Variants in SINHCAF observed in about 807,000 individuals in gnomAD.
The protein encoded by SINHCAF is SIN3-HDAC complex-associated factor.
Under a neutral mutation model 25.8 loss-of-function variants are expected in SINHCAF, and 3 were observed. That is an observed-to-expected ratio of 0.12 (90% CI 0.05 to 0.30). The LOEUF is 0.30. Among genes scored for constraint, SINHCAF ranks in the 10% least tolerant of loss-of-function variants. SINHCAF has a pLI of 1.00. For missense variants in SINHCAF, 121 were observed against 262.3 expected (o/e 0.46, Z 3.72); for synonymous variants, 70 against 85.5 (o/e 0.82, Z 1.00).
At chr12:31,284,042 C>G (rs571403720) in intron 5 of SINHCAF, among the ~76,000 whole-genome samples, 1 of 152,096 alleles carries the variant, frequency 6.6e-6, no homozygotes, top group Admixed American at 6.5e-5. Flanking sequence ...ATGTATAAAT[C>G]AGTGGACACA....
chr12:31,320,364 A>G (rs1456526770), intron 1 of SINHCAF, among the ~76,000 whole-genome samples: 1 of 152,224 alleles, frequency 6.6e-6, no homozygotes, highest in African/African-American at 2.4e-5. Context: ...GACCTGGGAA[A>G]TTCTCTTAAG....
intron 1 of SINHCAF, among the ~76,000 whole-genome samples, chr12:31,309,291 C>A (rs2137116997): frequency 6.6e-6 from 1 of 152,226 alleles, no homozygotes; most frequent in Admixed American, 6.5e-5. Flanking sequence ...GGTTCCTTGA[C>A]AAGGAAAATG....
intron 2 of SINHCAF, among the ~76,000 whole-genome samples, chr12:31,296,109 GTTTTAAACA>G (rs1219534481): frequency 2.0e-5 from 3 of 151,990 alleles, no homozygotes; most frequent in African/African-American, 7.3e-5. Flanking sequence ...GATTATCACG[GTTTTAAACA>G]TTGCTGTTTA....
rs1379961792 is a variant in SINHCAF at position 31,298,031 on chromosome 12, G to A, written c.128+46C>T. On this transcript the variant is annotated intron_variant, in intron 2 of 5. Transcript: ENST00000337682. ...GCTTACAAATATTTCTGTATGCTGT[G>A]GTATTTTTTCACTCTAAGAATAGTA... 3 of 1,559,426 alleles carry A rather than the reference G, an allele frequency of 1.9e-6. No individual in the cohort carries two copies. The South Asian group carries it at 3.4e-5, about 18-fold the overall frequency.
chr12:31,298,615 A>G (rs1418400875), intron 1 of SINHCAF: 1 of 244,338 alleles, frequency 4.1e-6, no homozygotes, highest in Non-Finnish European at 8.1e-6. Flanking sequence ...TTTATTTTGC[A>G]CATTTGCATT....
intron 4 of SINHCAF, among the ~76,000 whole-genome samples, 164 bp downstream of exon 4, chr12:31,293,641 C>G (rs74320879): frequency 0.02 from 3,075 of 152,234 alleles, 67 homozygotes; most frequent in African/African-American, 0.053. Flanking sequence ...AAAGTGCCAA[C>G]ATTTCACAGA....
Position 31,293,786 on chromosome 12 carries a change from G to A in SINHCAF, c.355+19C>T. 1 of 1,592,712 alleles carries A rather than the reference G, an allele frequency of 6.3e-7. No individual in the cohort carries two copies. The highest frequency in any genetic ancestry group is 8.5e-7 in the Non-Finnish European group (1 of 1,172,696). On this transcript the variant is annotated intron_variant, in intron 4 of 5. Transcript: ENST00000337682. ...AACAAAACAATTATTAAGTACTAATGTTGTAATATCAAACTTACTATGACG... is the reference window on the plus strand; with the variant it reads ...AACAAAACAATTATTAAGTACTAATATTGTAATATCAAACTTACTATGACG...
intron 5 of SINHCAF, among the ~76,000 whole-genome samples, chr12:31,286,662 CAAAAAA>C (rs999169211): frequency 5.4e-5 from 3 of 55,218 alleles, no homozygotes; most frequent in African/African-American, 1.8e-4. Flanking sequence ...AACTCCGTCT[CAAAAAA>C]AAAAAAAAAA....
At chr12:31,318,265 A>C (rs918455947) in intron 1 of SINHCAF, among the ~76,000 whole-genome samples, 1 of 152,228 alleles carries the variant, frequency 6.6e-6, no homozygotes, top group Non-Finnish European at 1.5e-5. Context: ...TGGAGCAGTA[A>C]GACATTATTT....
chr12:31,301,588 C>A (rs185630875), intron 1 of SINHCAF, among the ~76,000 whole-genome samples: 3 of 152,242 alleles, frequency 2.0e-5, no homozygotes, highest in Admixed American at 1.3e-4. Flanking sequence ...ACTTAAGAGG[C>A]ACCTGGGAAT....
chr12:31,302,091 T>C (rs1449786087), intron 1 of SINHCAF, among the ~76,000 whole-genome samples: 7 of 152,214 alleles, frequency 4.6e-5, no homozygotes, highest in Non-Finnish European at 7.3e-5. Context: ...GGTAATACTA[T>C]CTGCTTTCTA....
At chr12:31,303,068 T>A (rs1298538907) in intron 1 of SINHCAF, 1 of 985,274 alleles carries the variant, frequency 1.0e-6, no homozygotes, top group African/African-American at 1.7e-5. Context: ...AAAAATCATT[T>A]CAAGATGTTT....
chr12:31,318,695 AT>A, intron 1 of SINHCAF, among the ~76,000 whole-genome samples: 2 of 152,006 alleles, frequency 1.3e-5, no homozygotes, highest in South Asian at 4.2e-4. Context: ...CCAATTCTAG[AT>A]TAAGAGGAAT....
intron 1 of SINHCAF, among the ~76,000 whole-genome samples, chr12:31,321,251 T>C (rs1399821280): frequency 1.3e-5 from 2 of 152,154 alleles, no homozygotes; most frequent in Admixed American, 6.5e-5. Context: ...GACAATCTTG[T>C]GGACAAGAGA....
At chr12:31,292,083 G>A (rs1419815786) in intron 4 of SINHCAF, among the ~76,000 whole-genome samples, 1 of 152,206 alleles carries the variant, frequency 6.6e-6, no homozygotes, top group Non-Finnish European at 1.5e-5. Context: ...CCTTAAGTAA[G>A]ACAAAAGTGA....
intron 4 of SINHCAF, among the ~76,000 whole-genome samples, chr12:31,291,486 G>A (rs538487554): frequency 3.0e-4 from 46 of 152,302 alleles, no homozygotes; most frequent in Middle Eastern, 3.4e-3. Context: ...ATACAGGGCT[G>A]GGCACGGTGG....
At chr12:31,296,706 T>C (rs567866645) in intron 2 of SINHCAF, among the ~76,000 whole-genome samples, 1 of 151,690 alleles carries the variant, frequency 6.6e-6, no homozygotes, top group Admixed American at 6.6e-5. Flanking sequence ...AATAGAAAAA[T>C]TAGCAGGGCA....
intron 1 of SINHCAF, among the ~76,000 whole-genome samples, chr12:31,302,297 G>A (rs1461325466): frequency 6.6e-6 from 1 of 151,960 alleles, no homozygotes; most frequent in Non-Finnish European, 1.5e-5. Flanking sequence ...TATACTAAAA[G>A]CCACTGAATT....
At chr12:31,291,365 G>C (rs1189778296) in intron 4 of SINHCAF, among the ~76,000 whole-genome samples, 1 of 152,180 alleles carries the variant, frequency 6.6e-6, no homozygotes, top group East Asian at 1.9e-4. Context: ...TAAACGTCAA[G>C]TGACTCCAGA....
Sources: gnomAD v4.1 joint callset for allele counts (sites outside exome capture counted in the v4.1 genomes callset) on GRCh38, gnomAD v4.1.1 for gene constraint, MANE v1.5 for transcripts, NCBI Gene and HGNC (gene_info 2026-07-23, HGNC 2026-07-21) for gene names.